Variants in SCNN1B observed in about 807,000 individuals in gnomAD.
SCNN1B encodes the protein sodium channel epithelial 1 subunit beta.
A neutral mutation model predicts 65.3 loss-of-function variants in SCNN1B; 46 were observed. The ratio of observed to expected loss-of-function variants is 0.70; its 90% confidence interval spans 0.56 to 0.90. SCNN1B has a LOEUF of 0.90. SCNN1B is among the 40% of genes least tolerant of loss of function. The pLI is 0.00. For missense variants in SCNN1B, 751 were observed against 830.5 expected (o/e 0.90, Z 1.18); for synonymous variants, 349 against 330.6 (o/e 1.06, Z -0.60).
chr16:23,353,013 C>T lies in SCNN1B; in HGVS notation c.524C>T (p.Thr175Ile), dbSNP rs1962343672. The T allele has an allele frequency of 1.2e-6, 2 of 1,614,216 alleles. No individual in the cohort carries two copies. The highest frequency in any genetic ancestry group is 4.5e-5 in the East Asian group (2 of 44,884). The change falls in exon 3 of 13, where the codon ACA becomes ATA. Residue 175 changes from threonine to isoleucine, a missense_variant. Physicochemically the swap from Thr to Ile is moderately conservative, Grantham distance 89. Transcript: ENST00000343070. ...DLFGDNHNGL[T>I]SSSASEKICN... is the part of the protein sequence containing the mutation. ...TTTGGAGACAACCACAATGGCTTAA[C>T]AAGCAGCTCAGCATCAGAAAAGATC...
chr16:23,304,329 CAT>C (rs1466402189), intron 1 of SCNN1B, among the ~76,000 whole-genome samples: 1 of 144,414 alleles, frequency 6.9e-6, no homozygotes, highest in Non-Finnish European at 1.5e-5. Flanking sequence ...ATACATGAGA[CAT>C]ACACACAAGC....
At chr16:23,357,680 T>C (rs1353627954) in intron 4 of SCNN1B, among the ~76,000 whole-genome samples, 5 of 152,212 alleles carry the variant, frequency 3.3e-5, no homozygotes, top group Non-Finnish European at 4.4e-5. Flanking sequence ...GCAGCACATA[T>C]GTCCCATTGT....
intron 11 of SCNN1B, among the ~76,000 whole-genome samples, chr16:23,379,333 G>A (rs1962986836): frequency 6.6e-6 from 1 of 151,980 alleles, no homozygotes; most frequent in African/African-American, 2.4e-5. Flanking sequence ...AGTCTAGGGG[G>A]CAAACATATG....
chr16:23,328,942 C>T (rs1341072316), intron 1 of SCNN1B, among the ~76,000 whole-genome samples: 2 of 149,412 alleles, frequency 1.3e-5, no homozygotes, highest in African/African-American at 4.9e-5. Flanking sequence ...ACTACAGGCA[C>T]GCACCACCAT....
intron 8 of SCNN1B, among the ~76,000 whole-genome samples, chr16:23,376,425 A>AT (rs1281293511): frequency 1.3e-5 from 2 of 151,796 alleles, no homozygotes; most frequent in Non-Finnish European, 2.9e-5. Flanking sequence ...ATGTGTGTTC[A>AT]TGTCTATGTG....
At chr16:23,323,690 C>A in intron 1 of SCNN1B, 1 of 679,248 alleles carries the variant, frequency 1.5e-6, no homozygotes. Flanking sequence ...TTAAAGGAGA[C>A]ATCTAGGCTG....
At chr16:23,376,757 A>AAAAAG (rs1555489961) in intron 8 of SCNN1B, among the ~76,000 whole-genome samples, 1 of 151,840 alleles carries the variant, frequency 6.6e-6, no homozygotes, top group African/African-American at 2.4e-5. Flanking sequence ...AAAAAAAAAA[A>AAAAAG]AAAGAAAGAA....
chr16:23,295,500 C>T (rs1960984289), intron 2 of SCNN1B, among the ~76,000 whole-genome samples: 1 of 152,056 alleles, frequency 6.6e-6, no homozygotes, highest in Non-Finnish European at 1.5e-5. Context: ...CAGGCACATG[C>T]CACCATGCCT....
chr16:23,321,789 G>A (rs774508339), intron 1 of SCNN1B, among the ~76,000 whole-genome samples: 2 of 152,106 alleles, frequency 1.3e-5, no homozygotes, highest in Admixed American at 6.6e-5. Flanking sequence ...TTGGGAGTCC[G>A]AAGCAAGAGA....
At chr16:23,347,624 A>G (rs1962216666) in intron 1 of SCNN1B, among the ~76,000 whole-genome samples, 1 of 152,210 alleles carries the variant, frequency 6.6e-6, no homozygotes, top group African/African-American at 2.4e-5. Flanking sequence ...AAGAAAGATT[A>G]AGACCAGGTG....
upstream of SCNN1B, among the ~76,000 whole-genome samples, chr16:23,300,832 C>CA (rs778620953): frequency 6.6e-6 from 1 of 150,744 alleles, no homozygotes; most frequent in Non-Finnish European, 1.5e-5. Context: ...CTCTCTTTAC[C>CA]AAAAAAAGAA....
chr16:23,312,628 A>G (rs935473820), intron 1 of SCNN1B, among the ~76,000 whole-genome samples: 1 of 152,180 alleles, frequency 6.6e-6, no homozygotes, highest in African/African-American at 2.4e-5. Context: ...AGCCAGAAAC[A>G]GCTTTATCTG....
intron 8 of SCNN1B, among the ~76,000 whole-genome samples, chr16:23,376,433 G>A (rs369135632): frequency 2.0e-5 from 3 of 152,228 alleles, no homozygotes; most frequent in East Asian, 1.9e-4. Flanking sequence ...TCATGTCTAT[G>A]TGGGCTCATT....
chr16:23,317,912 A>G (rs1961506805), intron 1 of SCNN1B, among the ~76,000 whole-genome samples: 1 of 152,168 alleles, frequency 6.6e-6, no homozygotes, highest in Non-Finnish European at 1.5e-5. Flanking sequence ...TTGGAGTTGT[A>G]TAGGGCACAG....
chr16:23,359,788 A>T (rs1369630304), intron 4 of SCNN1B, among the ~76,000 whole-genome samples: 1 of 152,248 alleles, frequency 6.6e-6, no homozygotes, highest in African/African-American at 2.4e-5. Context: ...CAGTTTCCTC[A>T]CCTGGAAAGT....
At chr16:23,295,345 G>T (rs547327535) in intron 2 of SCNN1B, among the ~76,000 whole-genome samples, 53 of 148,406 alleles carry the variant, frequency 3.6e-4, no homozygotes, top group Non-Finnish European at 6.5e-4. Flanking sequence ...CAGCTTTCCC[G>T]AGTAGCTGGA....
chr16:23,359,947 A>G (rs375687061), intron 4 of SCNN1B, among the ~76,000 whole-genome samples: 78 of 152,352 alleles, frequency 5.1e-4, no homozygotes, highest in African/African-American at 1.9e-3. Context: ...TCACGCCTAT[A>G]ATCCCAGCAC....
At chr16:23,327,916 A>G (rs534518246) in intron 1 of SCNN1B, among the ~76,000 whole-genome samples, 1 of 152,334 alleles carries the variant, frequency 6.6e-6, no homozygotes, top group Admixed American at 6.5e-5. Flanking sequence ...CTTCTGTCTT[A>G]GAGTTTGGGG....
At chr16:23,287,897 G>T (rs144990092) in intron 2 of SCNN1B, among the ~76,000 whole-genome samples, 1 of 149,504 alleles carries the variant, frequency 6.7e-6, no homozygotes, top group African/African-American at 2.5e-5. Context: ...ACTCACACCT[G>T]TAATCCCAGC....
Sources: gnomAD v4.1 joint callset for allele counts (sites outside exome capture counted in the v4.1 genomes callset) on GRCh38, gnomAD v4.1.1 for gene constraint, MANE v1.5 for transcripts, NCBI Gene and HGNC (gene_info 2026-07-23, HGNC 2026-07-21) for gene names.